Variants in UGT2A1 observed in about 807,000 individuals in gnomAD.
UGT2A1 encodes UDP-glucuronosyltransferase 2A1.
UGT2A1 carries 61 observed loss-of-function variants against 45.4 expected under a neutral mutation model. The observed-to-expected ratio is 1.34, with a 90% CI of 1.09 to 1.66. UGT2A1 has a LOEUF of 1.66. Ranked by LOEUF, UGT2A1 falls within the 40% of genes most tolerant of loss-of-function variation. The pLI, the probability that UGT2A1 is intolerant of heterozygous loss-of-function variation, is 0.00. For synonymous variants in UGT2A1, 229 were observed against 196.2 expected (o/e 1.17, Z -1.40); for missense variants, 649 against 574.3 (o/e 1.13, Z -1.33).
At position 69,602,461 on chromosome 4, in the gene UGT2A1, GTTTA is replaced by G. The variant is rs769025517; in HGVS notation, c.848-3071_848-3068del. Among the ~76,000 whole-genome samples, 131 of 101,880 alleles carry G rather than the reference GTTTA, an allele frequency of 1.3e-3. 25 individuals carry two copies. The highest frequency in any genetic ancestry group is 0.011 in the South Asian group (35 of 3,106). The allele number at this position is 101,880 out of a possible 152,430, so 66.8% of individuals were successfully genotyped here. A position where few individuals can be genotyped will look rare whatever the true frequency, so the allele number is the denominator to read the frequency against. ...TTTTTAGAATAACAAAGATTTAGGA[GTTTA>G]TCTATCTATCTATCTATCTATCTAT... On this transcript the variant is annotated intron_variant, in intron 3 of 6. Coordinates refer to ENST00000286604, the MANE Select transcript of UGT2A1 (RefSeq NM_001252275.3).
At chr4:69,633,369 T>A (rs1721492228) in intron 3 of UGT2A1, among the ~76,000 whole-genome samples, 1 of 152,196 alleles carries the variant, frequency 6.6e-6, no homozygotes, top group South Asian at 2.1e-4. Flanking sequence ...ATATGGCTAG[T>A]AGGTTTACTA....
intron 3 of UGT2A1, among the ~76,000 whole-genome samples, chr4:69,635,369 T>G (rs1721617141): frequency 6.6e-6 from 1 of 152,190 alleles, no homozygotes; most frequent in South Asian, 2.1e-4. Context: ...AAAAGACACA[T>G]GCAAAATGGA....
At chr4:69,599,174 G>T in intron 4 of UGT2A1, 72 bp downstream of exon 4, 1 of 1,494,040 alleles carries the variant, frequency 6.7e-7, no homozygotes, top group Non-Finnish European at 8.9e-7. Flanking sequence ...TGTTATTGAG[G>T]CTATAAACTT....
intron 3 of UGT2A1, among the ~76,000 whole-genome samples, chr4:69,630,378 G>T (rs968126195): frequency 1.3e-5 from 2 of 151,804 alleles, no homozygotes; most frequent in East Asian, 3.9e-4. Context: ...ACCTCTTCCC[G>T]GTTACACTCT....
chr4:69,630,824 G>T (rs192520631), intron 3 of UGT2A1, among the ~76,000 whole-genome samples: 1 of 151,886 alleles, frequency 6.6e-6, no homozygotes, highest in Non-Finnish European at 1.5e-5. Flanking sequence ...CAAGTCTCCA[G>T]CACACCCACA....
intron 3 of UGT2A1, 168 bp from the exon 4 acceptor site, chr4:69,599,562 A>G (rs1272474736): frequency 6.9e-6 from 7 of 1,016,254 alleles, no homozygotes; most frequent in African/African-American, 1.7e-5. Flanking sequence ...ATTAAAGAGG[A>G]TGGAAGAAAG....
chr4:69,613,814 A>G (rs534007355), intron 3 of UGT2A1, among the ~76,000 whole-genome samples: 11 of 152,014 alleles, frequency 7.2e-5, no homozygotes, highest in Non-Finnish European at 1.5e-4. Flanking sequence ...CTGAGTATAG[A>G]AGGAACATAG....
chr4:69,647,178 C>T lies in UGT2A1; in HGVS notation c.467G>A (p.Gly156Asp), dbSNP rs371530829. 123 of 1,612,984 alleles carry T rather than the reference C, an allele frequency of 7.6e-5. No homozygotes were observed. Among genetic ancestry groups the T allele is most frequent in the Admixed American group, 4.3e-4 (26 of 59,860 alleles). ...VLVSDPVFPC[G>D]DIVALKLGIP... ...TCCAAGTTTTAAAGCTACTATATCGCCACAAGGAAATACTGGATCAGACAC... is the reference window on the plus strand; with the variant it reads ...TCCAAGTTTTAAAGCTACTATATCGTCACAAGGAAATACTGGATCAGACAC... Residue 156 changes from glycine to aspartate, a missense_variant, in exon 2 of 7, where the codon GGC becomes GAC. Coordinates refer to ENST00000286604, the MANE Select transcript of UGT2A1 (RefSeq NM_001252275.3).
chr4:69,612,925 C>T (rs1163037546), intron 3 of UGT2A1, among the ~76,000 whole-genome samples: 1 of 142,890 alleles, frequency 7.0e-6, no homozygotes, highest in African/African-American at 2.6e-5. Flanking sequence ...AAAAAACTAT[C>T]CAGAGAGTAC....
rs552540271 is a variant in UGT2A1 at position 69,606,579 on chromosome 4, C to A, written c.848-7185G>T. ...TGTTGGAAGTTCTGGCCAGTGCAAT[C>A]AGGCAGGAGAAGGAAATAAAGGGTA... is the stretch of plus-strand genomic sequence containing the variant. On this transcript the variant is annotated intron_variant, in intron 3 of 6. Transcript: ENST00000286604. Among the ~76,000 whole-genome samples the A allele has an allele frequency of 4.4e-5, 6 of 136,278 alleles. 2 individuals are homozygous for A. The highest frequency in any genetic ancestry group is 1.8e-4 in the African/African-American group (6 of 33,594). The allele number at this position is 136,278 out of a possible 152,430, so 89.4% of individuals were successfully genotyped here. A position where few individuals can be genotyped will look rare whatever the true frequency, so the allele number is the denominator to read the frequency against.
intron 3 of UGT2A1, among the ~76,000 whole-genome samples, chr4:69,619,620 A>G (rs1720624640): frequency 6.6e-6 from 1 of 151,906 alleles, no homozygotes. Flanking sequence ...TGAAACTTAA[A>G]CACATTCTAA....
chr4:69,650,931 T>C (rs1722495772), intron 1 of UGT2A1, among the ~76,000 whole-genome samples: 1 of 152,210 alleles, frequency 6.6e-6, no homozygotes, highest in South Asian at 2.1e-4. Flanking sequence ...ATAGGCTACC[T>C]GGATGTGCAT....
At chr4:69,625,267 C>T (rs1028511906) in intron 3 of UGT2A1, among the ~76,000 whole-genome samples, 1 of 150,312 alleles carries the variant, frequency 6.7e-6, no homozygotes, top group African/African-American at 2.4e-5. Context: ...GTGATAGAGG[C>T]ATTTTATTTT....
At chr4:69,651,617 C>T (rs982828960) in intron 1 of UGT2A1, among the ~76,000 whole-genome samples, 27 of 152,196 alleles carry the variant, frequency 1.8e-4, no homozygotes, top group African/African-American at 6.5e-4. Flanking sequence ...GATTATCACA[C>T]TGCCTCTCTA....
At chr4:69,640,428 A>G (rs1342566961) in intron 2 of UGT2A1, among the ~76,000 whole-genome samples, 1 of 151,950 alleles carries the variant, frequency 6.6e-6, no homozygotes, top group Non-Finnish European at 1.5e-5. Context: ...CCAAAGATTG[A>G]TTAGGAAATC....
chr4:69,612,787 C>T (rs1720140262), intron 3 of UGT2A1, among the ~76,000 whole-genome samples: 3 of 151,478 alleles, frequency 2.0e-5, no homozygotes, highest in Admixed American at 2.0e-4. Context: ...TTGAAGAAAA[C>T]CTAGGATATT....
At chr4:69,600,933 A>G (rs1250571874) in intron 3 of UGT2A1, among the ~76,000 whole-genome samples, 1 of 152,078 alleles carries the variant, frequency 6.6e-6, no homozygotes, top group Non-Finnish European at 1.5e-5. Flanking sequence ...ATCAGGCCCC[A>G]CTTCCAACAT....
chr4:69,622,848 C>A (rs1277095655), intron 3 of UGT2A1, among the ~76,000 whole-genome samples: 1 of 151,880 alleles, frequency 6.6e-6, no homozygotes, highest in South Asian at 2.1e-4. Context: ...GTCTTGGCTT[C>A]GGTGTAGGAC....
intron 3 of UGT2A1, among the ~76,000 whole-genome samples, chr4:69,617,532 A>G (rs565751603): frequency 3.7e-4 from 57 of 152,068 alleles, no homozygotes; most frequent in African/African-American, 1.3e-3. Context: ...GAAATATTGT[A>G]GCCATTCTCT....
Sources: gnomAD v4.1 joint callset for allele counts (sites outside exome capture counted in the v4.1 genomes callset) on GRCh38, gnomAD v4.1.1 for gene constraint, MANE v1.5 for transcripts, NCBI Gene and HGNC (gene_info 2026-07-23, HGNC 2026-07-21) for gene names.